Variants in MYCT1 observed in about 807,000 individuals in gnomAD.
MYCT1 encodes MYC target 1.
Under a neutral mutation model 15.0 loss-of-function variants are expected in MYCT1, and 12 were observed. The ratio of observed to expected loss-of-function variants is 0.80; its 90% confidence interval spans 0.51 to 1.29. The LOEUF is 1.29. MYCT1 is among the 50% of genes most tolerant of loss of function. The pLI, the probability that MYCT1 is intolerant of heterozygous loss-of-function variation, is 0.00. For missense variants in MYCT1, 287 were observed against 279.1 expected (o/e 1.03, Z -0.20); for synonymous variants, 104 against 102.7 (o/e 1.01, Z -0.07).
the MYCT1 span, among the ~76,000 whole-genome samples, chr6:152,739,651 T>C: frequency 6.6e-6 from 1 of 152,116 alleles, no homozygotes; most frequent in Non-Finnish European, 1.5e-5. Flanking sequence ...TTTTTAGGCA[T>C]TTAATATTTA....
intron 1 of MYCT1, among the ~76,000 whole-genome samples, chr6:152,700,581 G>A (rs2099721134): frequency 2.0e-5 from 3 of 152,138 alleles, no homozygotes; most frequent in Admixed American, 2.0e-4. Context: ...AACAAAGTTA[G>A]CCTGAAAGTG....
chr6:152,716,609 A>G (rs2099723728), intron 1 of MYCT1, among the ~76,000 whole-genome samples: 1 of 152,226 alleles, frequency 6.6e-6, no homozygotes, highest in African/African-American at 2.4e-5. Context: ...AAATTGGAAG[A>G]CACGAACGTG....
intron 1 of MYCT1, among the ~76,000 whole-genome samples, chr6:152,698,477 A>G (rs2099720789): frequency 6.6e-6 from 1 of 152,032 alleles, no homozygotes; most frequent in African/African-American, 2.4e-5. Flanking sequence ...GGAAAAATTA[A>G]CTTTCATTTG....
At chr6:152,715,601 T>C (rs1018919261) in intron 1 of MYCT1, among the ~76,000 whole-genome samples, 1 of 152,132 alleles carries the variant, frequency 6.6e-6, no homozygotes, top group African/African-American at 2.4e-5. Context: ...GTAGTTTCCA[T>C]TAACCAGGAA....
intron 1 of MYCT1, 148 bp from the exon 2 acceptor site, chr6:152,721,594 T>C: frequency 1.5e-6 from 1 of 684,350 alleles, no homozygotes; most frequent in Non-Finnish European, 2.4e-6. Flanking sequence ...TTTGTTCATA[T>C]CCACCTAACA....
rs141388223 is a variant in MYCT1, at chr6:152,713,766, C to G, written c.197-7976C>G. Among the ~76,000 whole-genome samples the G allele has an allele frequency of 2.9e-3, 444 of 152,192 alleles. 3 individuals are homozygous for G. Among genetic ancestry groups the G allele is most frequent in the African/African-American group, 0.01 (424 of 41,544 alleles). On this transcript the variant is annotated intron_variant, in intron 1 of 1. Transcript: ENST00000367245. ...TGGCTTTCTCTTCTCCAGGATTTCC[C>G]TCTCACATTCTCAGCAGCTCTTGTT...
downstream of MYCT1, among the ~76,000 whole-genome samples, chr6:152,727,990 G>A (rs1188924989): frequency 2.6e-5 from 4 of 151,854 alleles, no homozygotes; most frequent in Admixed American, 1.3e-4. Flanking sequence ...ATGATGAAAC[G>A]CCGTCTCTAC....
chr6:152,726,571 G>A (rs1471709047), downstream of MYCT1, among the ~76,000 whole-genome samples: 1 of 151,728 alleles, frequency 6.6e-6, no homozygotes, highest in East Asian at 1.9e-4. Context: ...AACTGGCCAG[G>A]ACTGGCAATG....
chr6:152,737,421 A>T, the MYCT1 span, among the ~76,000 whole-genome samples: 4 of 152,030 alleles, frequency 2.6e-5, no homozygotes, highest in African/African-American at 9.7e-5. Context: ...CTATTTCTAA[A>T]GTCTCCCAGA....
rs1416768153 is a variant in MYCT1, at chr6:152,724,500, G to A, written c.*2247G>A. On this transcript the variant is annotated 3_prime_UTR_variant, in exon 2 of 2. Coordinates refer to ENST00000367245, the MANE Select transcript of MYCT1 (RefSeq NM_025107.3). ...AAATGTGAAATTAAAGCAAAAACTG[G>A]AGACTTTTAATGTATTTCTTTAATT... is the stretch of plus-strand genomic sequence containing the variant. 1.3e-5 allele frequency: 2 copies of A among 152,060 alleles called. No individual in the cohort carries two copies. The highest frequency in any genetic ancestry group is 2.9e-5 in the Non-Finnish European group (2 of 67,996). The allele number at this position is 152,060 out of a possible 1,614,324, so 9.4% of individuals were successfully genotyped here.
chr6:152,727,313 C>CA (rs1267855888), downstream of MYCT1, among the ~76,000 whole-genome samples: 1 of 152,010 alleles, frequency 6.6e-6, no homozygotes, highest in Non-Finnish European at 1.5e-5. Flanking sequence ...TAAGGCCCTG[C>CA]AAAAAATATT....
chr6:152,733,641 G>C, the MYCT1 span, among the ~76,000 whole-genome samples: 1 of 152,174 alleles, frequency 6.6e-6, no homozygotes, highest in East Asian at 1.9e-4. Context: ...CTGAGGCATG[G>C]AGCTTTTTAA....
chr6:152,735,896 A>G, the MYCT1 span, among the ~76,000 whole-genome samples: 337 of 152,234 alleles, frequency 2.2e-3, 2 homozygotes, highest in African/African-American at 7.8e-3. Flanking sequence ...AAAAGAAAAA[A>G]GCCCTTTTTT....
chr6:152,734,735 G>A, the MYCT1 span, among the ~76,000 whole-genome samples: 26 of 152,058 alleles, frequency 1.7e-4, no homozygotes, highest in Admixed American at 3.3e-4. Context: ...CATAAGTGGC[G>A]TGGGTCTGGC....
chr6:152,706,227 G>A, intron 1 of MYCT1: 1 of 756,534 alleles, frequency 1.3e-6, no homozygotes, highest in South Asian at 1.4e-5. Flanking sequence ...TGGAGAAAAT[G>A]AAGGAAAGGC....
chr6:152,730,114 G>A, the MYCT1 span, among the ~76,000 whole-genome samples: 1 of 152,122 alleles, frequency 6.6e-6, no homozygotes, highest in Non-Finnish European at 1.5e-5. Flanking sequence ...TGGATTTCAA[G>A]ATATAACCTT....
intron 1 of MYCT1, among the ~76,000 whole-genome samples, chr6:152,714,028 A>T (rs1238561862): frequency 6.6e-6 from 1 of 152,024 alleles, no homozygotes; most frequent in Non-Finnish European, 1.5e-5. Flanking sequence ...CAGTGTTCAT[A>T]GTCATTATTA....
At chr6:152,704,746 C>A (rs756624360) in intron 1 of MYCT1, among the ~76,000 whole-genome samples, 2 of 152,038 alleles carry the variant, frequency 1.3e-5, no homozygotes, top group Non-Finnish European at 2.9e-5. Context: ...CAAATAAAAA[C>A]AATATATTTA....
Position 152,721,795 on chromosome 6 carries a change from G to A in MYCT1, c.250G>A (p.Gly84Arg), listed in dbSNP as rs763911730. 8 of 1,614,082 alleles carry A rather than the reference G, an allele frequency of 5.0e-6. No homozygotes were observed. Among genetic ancestry groups the A allele is most frequent in the Non-Finnish European group, 5.1e-6 (6 of 1,180,016 alleles). The change falls in exon 2 of 2, where the codon GGA (glycine) becomes AGA (arginine). Residue 84 changes from glycine to arginine, a missense_variant. Transcript: ENST00000367245. The stretch of plus-strand genomic sequence containing the variant: ...CATGGCAATCGGGCTGGTACTTGGA[G>A]GATTTATTTGGGCTGTGTTCATTTG... The part of the protein sequence containing the change: ...VSMAIGLVLG[G>R]FIWAVFICLS...
Sources: gnomAD v4.1 joint callset for allele counts (sites outside exome capture counted in the v4.1 genomes callset) on GRCh38, gnomAD v4.1.1 for gene constraint, MANE v1.5 for transcripts, NCBI Gene and HGNC (gene_info 2026-07-23, HGNC 2026-07-21) for gene names.